The following LEPR variants were observed in gnomAD, a reference collection of about 807,000 sequenced individuals.
LEPR encodes the protein OB receptor.
In LEPR, 56 loss-of-function variants were observed where a neutral mutation model predicts 114.7. That is an observed-to-expected ratio of 0.49 (90% confidence interval 0.39 to 0.61). LEPR has a LOEUF of 0.61. Ranked by LOEUF, LEPR falls within the 20% of genes least tolerant of loss-of-function variation. The pLI, the probability that LEPR is intolerant of heterozygous loss-of-function variation, is 0.00. For missense variants in LEPR, 1,202 were observed against 1,352.9 expected (o/e 0.89, Z 1.75); for synonymous variants, 443 against 461.4 (o/e 0.96, Z 0.51).
In LEPR at chr1:65,603,621, AC is replaced by A. The variant is rs542784947; in HGVS notation, c.1404-1416del. ...CCCATGGCCTGGGGCCCCCATGTGGACTAGGATAGCTTTGAATGCAGCCCAA... is the reference window on the plus strand; with the variant it reads ...CCCATGGCCTGGGGCCCCCATGTGGATAGGATAGCTTTGAATGCAGCCCAA... On this transcript the variant is annotated intron_variant, in intron 10 of 19. Coordinates refer to ENST00000349533, the MANE Select transcript of LEPR (RefSeq NM_002303.6). Among the ~76,000 whole-genome samples, 189 of 152,214 alleles carry A rather than the reference AC, an allele frequency of 1.2e-3. 1 individual carries two copies. The highest frequency in any genetic ancestry group is 4.3e-3 in the African/African-American group (177 of 41,552).
intron 2 of LEPR, among the ~76,000 whole-genome samples, chr1:65,516,020 T>C (rs778654464): frequency 6.6e-6 from 1 of 152,236 alleles, no homozygotes; most frequent in African/African-American, 2.4e-5. Context: ...TATTAGCTAT[T>C]TGGTTTAACT....
intron 7 of LEPR, among the ~76,000 whole-genome samples, chr1:65,597,373 C>T (rs191707686): frequency 1.3e-5 from 2 of 152,146 alleles, no homozygotes; most frequent in African/African-American, 2.4e-5. Context: ...ATTTATTGAA[C>T]ACCTGCTACA....
At chr1:65,512,777 G>T (rs1024081373) in intron 2 of LEPR, among the ~76,000 whole-genome samples, 1 of 152,048 alleles carries the variant, frequency 6.6e-6, no homozygotes, top group South Asian at 2.1e-4. Flanking sequence ...AAAGAAATGG[G>T]AGCCTGAATT....
At chr1:65,486,030 T>C (rs1223948704) in intron 2 of LEPR, among the ~76,000 whole-genome samples, 1 of 152,192 alleles carries the variant, frequency 6.6e-6, no homozygotes, top group Non-Finnish European at 1.5e-5. Context: ...ATTACTTTGG[T>C]AATATTCTTC....
intron 2 of LEPR, among the ~76,000 whole-genome samples, chr1:65,550,195 C>T (rs962395869): frequency 5.9e-5 from 9 of 152,118 alleles, no homozygotes; most frequent in South Asian, 2.1e-4. Flanking sequence ...GAGGAGTACC[C>T]GGCCGTGGGA....
chr1:65,422,269 T>C lies in LEPR; in HGVS notation c.-97+1529T>C, dbSNP rs114321722. Among the ~76,000 whole-genome samples the C allele has an allele frequency of 5.5e-3, 832 of 152,188 alleles. 10 individuals are homozygous for C. The highest frequency in any genetic ancestry group is 0.019 in the African/African-American group (801 of 41,504). ...TAGACATAGAGACATACAGGGAGAA[T>C]ACCATGGGAAGACGGAGACAGAAAT... is the stretch of plus-strand genomic sequence containing the variant. On this transcript the variant is annotated intron_variant, in intron 1 of 19. Transcript: ENST00000349533.
chr1:65,615,024 TG>T (rs774011360), intron 14 of LEPR, among the ~76,000 whole-genome samples: 20 of 147,904 alleles, frequency 1.4e-4, no homozygotes, highest in South Asian at 2.2e-4. Flanking sequence ...AAAACTGACA[TG>T]TTTTTTTTTC....
chr1:65,477,766 T>C (rs1647175363), intron 2 of LEPR, among the ~76,000 whole-genome samples: 2 of 152,380 alleles, frequency 1.3e-5, no homozygotes, highest in Admixed American at 1.3e-4. Context: ...TTATGAGTTC[T>C]GGAATTTGTT....
intron 2 of LEPR, among the ~76,000 whole-genome samples, chr1:65,485,722 C>T (rs557511765): frequency 6.6e-6 from 1 of 152,124 alleles, no homozygotes; most frequent in Non-Finnish European, 1.5e-5. Flanking sequence ...TCCTATAGTG[C>T]TTCCATTACC....
At chr1:65,440,703 G>A (rs192251035) in intron 2 of LEPR, among the ~76,000 whole-genome samples, 78 of 152,238 alleles carry the variant, frequency 5.1e-4, no homozygotes, top group Admixed American at 3.3e-3. Flanking sequence ...ATAAGATAAT[G>A]TGTGTGTAGG....
intron 2 of LEPR, among the ~76,000 whole-genome samples, chr1:65,479,355 A>G (rs1025595003): frequency 3.3e-5 from 5 of 152,182 alleles, no homozygotes; most frequent in Non-Finnish European, 5.9e-5. Flanking sequence ...TAAGTATTCT[A>G]TATGGATTAT....
intron 2 of LEPR, among the ~76,000 whole-genome samples, chr1:65,488,190 T>TTCTTTCTTTC (rs1647628004): frequency 1.8e-4 from 4 of 21,956 alleles, no homozygotes; most frequent in Admixed American, 4.9e-4. Flanking sequence ...CTTTCTTTCT[T>TTCTTTCTTTC]TCTTTCTTTC....
At chr1:65,597,083 A>G (rs1310041549) in intron 7 of LEPR, among the ~76,000 whole-genome samples, 3 of 151,958 alleles carry the variant, frequency 2.0e-5, no homozygotes, top group Non-Finnish European at 4.4e-5. Context: ...CCATTCCCCA[A>G]ATGATGTTTG....
Position 65,637,084 on chromosome 1 carries a change from G to T in LEPR, c.*69G>T, listed in dbSNP as rs1472141791. The T allele has an allele frequency of 7.1e-7, 1 of 1,404,246 alleles. No individual in the cohort carries two copies. The highest frequency in any genetic ancestry group is 9.7e-7 in the Non-Finnish European group (1 of 1,034,918). The allele number at this position is 1,404,246 out of a possible 1,614,324, so 87.0% of individuals were successfully genotyped here. A position where few individuals can be genotyped will look rare whatever the true frequency, so the allele number is the denominator to read the frequency against. On this transcript the variant is annotated 3_prime_UTR_variant, in exon 20 of 20. Transcript: ENST00000349533. ...TAAAGTGTAATAGATTATAGTTGTG[G>T]GTGGGAGAGAGAAAAGAAACCAGAG...
At position 65,637,437 on chromosome 1, in the gene LEPR, A is replaced by G. The variant is rs1658755424; in HGVS notation, c.*422A>G. The G allele has an allele frequency of 6.2e-6, 1 of 161,942 alleles. No homozygotes were observed. Among genetic ancestry groups the G allele is most frequent in the Non-Finnish European group, 1.4e-5 (1 of 73,658 alleles). 10.0% of individuals were successfully genotyped at this position (161,942 alleles called of 1,614,324 possible). On this transcript the variant is annotated 3_prime_UTR_variant, in exon 20 of 20. Transcript: ENST00000349533. Reference sequence around the variant, plus strand: ...ATATTATGTATTTATATTTTGTGCTATCAGACTGTAGGATTTGAAGTAGGA... The same window carrying G: ...ATATTATGTATTTATATTTTGTGCTGTCAGACTGTAGGATTTGAAGTAGGA...
intron 15 of LEPR, among the ~76,000 whole-genome samples, chr1:65,616,701 A>G (rs903319517): frequency 1.3e-5 from 2 of 152,118 alleles, no homozygotes; most frequent in Non-Finnish European, 1.5e-5. Context: ...ATTACTATGG[A>G]CTTCATTGAA....
In LEPR at chr1:65,640,759, C is replaced by T. The variant is rs1658836520; in HGVS notation, c.*3744C>T. 7.1e-6 allele frequency: 1 copy of T among 141,618 alleles called. No homozygotes were observed. Among genetic ancestry groups the T allele is most frequent in the African/African-American group, 2.6e-5 (1 of 38,476 alleles). 8.8% of individuals were successfully genotyped at this position (141,618 alleles called of 1,614,324 possible). On this transcript the variant is annotated 3_prime_UTR_variant, in exon 20 of 20. Transcript: ENST00000349533. ...TGTATAAACATTAGGAGATGATTTCCATGGCTTTTTTTTTTTTTTTTTTAG... is the reference window on the plus strand; with the variant it reads ...TGTATAAACATTAGGAGATGATTTCTATGGCTTTTTTTTTTTTTTTTTTAG...
chr1:65,550,928 T>C (rs1652284414), intron 2 of LEPR, among the ~76,000 whole-genome samples: 1 of 152,058 alleles, frequency 6.6e-6, no homozygotes, highest in African/African-American at 2.4e-5. Context: ...CTGGGAGCTG[T>C]AGACCAGAGC....
intron 4 of LEPR, among the ~76,000 whole-genome samples, chr1:65,571,935 G>A: frequency 8.0e-6 from 1 of 125,720 alleles, no homozygotes. Flanking sequence ...TCATGCCACT[G>A]CACTCCAGCC....
Sources: allele counts gnomAD v4.1 joint callset (sites outside exome capture counted in the v4.1 genomes callset), GRCh38; gene constraint gnomAD v4.1.1; transcripts MANE v1.5; gene names NCBI Gene and HGNC (gene_info 2026-07-23, HGNC 2026-07-21).